Variants in RERE observed in about 807,000 individuals in gnomAD.
The protein encoded by RERE is arginine-glutamic acid dipeptide repeats, also known as arginine-glutamic acid dipeptide repeats protein.
A neutral mutation model predicts 146.1 loss-of-function variants in RERE; 40 were observed. The observed-to-expected ratio is 0.27, with a 90% CI of 0.21 to 0.36. RERE has a LOEUF of 0.36. Among genes scored for constraint, RERE ranks in the 10% least tolerant of loss-of-function variants. The pLI is 1.00. For synonymous variants in RERE, 1,003 were observed against 866.0 expected (o/e 1.16, Z -2.78); for missense variants, 1,933 against 2,138.7 (o/e 0.90, Z 1.90).
intron 8 of RERE, among the ~76,000 whole-genome samples, chr1:8,501,120 G>T (rs1318837243): frequency 2.0e-5 from 3 of 147,624 alleles, no homozygotes; most frequent in Non-Finnish European, 4.5e-5. Flanking sequence ...ACTGGGAAGT[G>T]AGGAGCCCCT....
chr1:8,611,837 A>C (rs1646797197), intron 4 of RERE, among the ~76,000 whole-genome samples: 1 of 152,178 alleles, frequency 6.6e-6, no homozygotes, highest in African/African-American at 2.4e-5. Flanking sequence ...TTTCTATGTA[A>C]ATCAGCTGGC....
chr1:8,744,827 T>C (rs1394000430), intron 1 of RERE, among the ~76,000 whole-genome samples: 1 of 152,202 alleles, frequency 6.6e-6, no homozygotes, highest in Non-Finnish European at 1.5e-5. Context: ...AAATAGTATG[T>C]ACAGGATAAT....
intron 1 of RERE, among the ~76,000 whole-genome samples, chr1:8,737,874 C>G (rs1640232084): frequency 6.6e-6 from 1 of 152,176 alleles, no homozygotes; most frequent in African/African-American, 2.4e-5. Flanking sequence ...AAAATGTTAG[C>G]ATAAATCAAA....
At chr1:8,630,841 C>G (rs2124249669) in intron 2 of RERE, among the ~76,000 whole-genome samples, 1 of 152,336 alleles carries the variant, frequency 6.6e-6, no homozygotes, top group East Asian at 1.9e-4. Context: ...CTCTGTTTAT[C>G]AACTGTTATC....
chr1:8,731,405 G>A (rs1190271734), intron 1 of RERE, among the ~76,000 whole-genome samples: 1 of 152,100 alleles, frequency 6.6e-6, no homozygotes. Flanking sequence ...TGTAGACCTG[G>A]GGAAAGGACA....
intron 6 of RERE, among the ~76,000 whole-genome samples, chr1:8,551,471 G>A (rs1645935030): frequency 6.6e-6 from 1 of 152,160 alleles, no homozygotes. Flanking sequence ...TATACCTGAA[G>A]GAATCTAAAT....
intron 7 of RERE, chr1:8,525,792 A>C: frequency 6.3e-7 from 1 of 1,598,964 alleles, no homozygotes; most frequent in South Asian, 1.1e-5. Context: ...CATGACTAAC[A>C]CGGGCTCTGG....
intron 1 of RERE, among the ~76,000 whole-genome samples, chr1:8,815,147 C>T (rs931275424): frequency 4.6e-5 from 7 of 152,186 alleles, no homozygotes; most frequent in African/African-American, 1.4e-4. Flanking sequence ...CTGGGTTTAT[C>T]CCAGGTGGAC....
intron 1 of RERE, among the ~76,000 whole-genome samples, chr1:8,811,810 G>A (rs866048759): frequency 3.3e-5 from 5 of 152,334 alleles, no homozygotes; most frequent in South Asian, 4.1e-4. Flanking sequence ...GGTTAGTCCA[G>A]GCCAACCACA....
chr1:8,446,440 G>C (rs1271303548), intron 11 of RERE, among the ~76,000 whole-genome samples: 1 of 152,162 alleles, frequency 6.6e-6, no homozygotes, highest in Non-Finnish European at 1.5e-5. Context: ...CAACCTTGGT[G>C]AATCTGAAGA....
In RERE at chr1:8,366,930, AAAAAAAAAAAAC is replaced by A. The variant is rs1557592127; in HGVS notation, c.1285-968_1285-957del. On this transcript the variant is annotated intron_variant, in intron 12 of 22. Transcript: ENST00000400908. ...AAAAAAAAAAACAAAAAAAAAAAAC[AAAAAAAAAAAAC>A]CCAAAAAACAAACACAGCCAAGTGA... 1.4e-3 allele frequency among the ~76,000 whole-genome samples: 150 copies of A among 110,230 alleles called. 2 individuals carry two copies. The highest frequency in any genetic ancestry group is 4.1e-3 in the Admixed American group (46 of 11,092). 72.3% of individuals were successfully genotyped at this position (110,230 alleles called of 152,430 possible).
At chr1:8,718,087 T>A (rs953383709) in intron 1 of RERE, among the ~76,000 whole-genome samples, 104 of 152,316 alleles carry the variant, frequency 6.8e-4, no homozygotes, top group African/African-American at 2.5e-3. Context: ...CAATTTCAAG[T>A]CAGAAACATC....
At chr1:8,786,346 T>A (rs1340018265) in intron 1 of RERE, 28 of 854,302 alleles carry the variant, frequency 3.3e-5, no homozygotes, top group Non-Finnish European at 3.8e-5. Context: ...TTTAAAGCGT[T>A]TTCCAACAGT....
chr1:8,507,521 G>C (rs1031333037), intron 8 of RERE, among the ~76,000 whole-genome samples: 3 of 151,806 alleles, frequency 2.0e-5, no homozygotes, highest in African/African-American at 7.2e-5. Context: ...GATTTCTCCT[G>C]CCTCAGCCTC....
intron 1 of RERE, among the ~76,000 whole-genome samples, chr1:8,801,531 AGT>A (rs1320703198): frequency 6.6e-6 from 1 of 152,090 alleles, no homozygotes; most frequent in Non-Finnish European, 1.5e-5. Flanking sequence ...GGCCTCCCAA[AGT>A]GCTGGGATTA....
chr1:8,484,884 G>A (rs561921680), intron 10 of RERE, among the ~76,000 whole-genome samples: 27 of 152,102 alleles, frequency 1.8e-4, no homozygotes, highest in South Asian at 4.1e-4. Flanking sequence ...CCTCTACAGC[G>A]GTACAAAGCT....
intron 1 of RERE, among the ~76,000 whole-genome samples, chr1:8,760,203 T>C (rs1360710451): frequency 6.6e-6 from 1 of 152,174 alleles, no homozygotes; most frequent in Non-Finnish European, 1.5e-5. Context: ...TTTTTTGTAT[T>C]TTCAGTAGAG....
intron 8 of RERE, among the ~76,000 whole-genome samples, chr1:8,508,082 A>G (rs1244036349): frequency 6.6e-6 from 1 of 152,234 alleles, no homozygotes; most frequent in East Asian, 1.9e-4. Flanking sequence ...GTGTTCATCA[A>G]TGGATGAATA....
intron 1 of RERE, among the ~76,000 whole-genome samples, chr1:8,669,441 A>G (rs1638664243): frequency 6.6e-6 from 1 of 152,184 alleles, no homozygotes; most frequent in Non-Finnish European, 1.5e-5. Context: ...CATGTGAATT[A>G]TATCTCAACA....
Sources: gnomAD v4.1 joint callset for allele counts (sites outside exome capture counted in the v4.1 genomes callset) on GRCh38, gnomAD v4.1.1 for gene constraint, MANE v1.5 for transcripts, NCBI Gene and HGNC (gene_info 2026-07-23, HGNC 2026-07-21) for gene names.